Variants in RIC1 observed in about 807,000 individuals in gnomAD.
RIC1 encodes guanine nucleotide exchange factor subunit RIC1.
A neutral mutation model predicts 169.0 loss-of-function variants in RIC1; 88 were observed. The observed-to-expected ratio is 0.52, with a 90% confidence interval of 0.44 to 0.62. RIC1 has a LOEUF of 0.62. Among genes scored for constraint, RIC1 ranks in the 20% least tolerant of loss-of-function variants. RIC1 has a pLI of 0.00. For missense variants in RIC1, 1,877 were observed against 1,725.5 expected (o/e 1.09, Z -1.56); for synonymous variants, 790 against 601.5 (o/e 1.31, Z -4.59).
At position 5,667,174 on chromosome 9, in the gene RIC1, T is replaced by C. The variant is rs567764451; in HGVS notation, c.252+10484T>C. The stretch of plus-strand genomic sequence containing the variant: ...ATGCCATCGCTACAAAAAATAAACT[T>C]AGCCAGGTGAGTTGGCACATGATTG... On this transcript the variant is annotated intron_variant, in intron 2 of 25. Transcript: ENST00000414202. Among the ~76,000 whole-genome samples, 10 of 152,064 alleles carry C rather than the reference T, an allele frequency of 6.6e-5. No individual in the cohort carries two copies. In the South Asian group the frequency reaches 2.1e-3, roughly 32 times the overall value.
chr9:5,701,262 C>T (rs775329531), intron 3 of RIC1, among the ~76,000 whole-genome samples: 1 of 152,042 alleles, frequency 6.6e-6, no homozygotes, highest in African/African-American at 2.4e-5. Flanking sequence ...TTTTTATGGG[C>T]ATCTATATTG....
At chr9:5,678,917 C>T (rs1390100766) in intron 2 of RIC1, among the ~76,000 whole-genome samples, 1 of 151,928 alleles carries the variant, frequency 6.6e-6, no homozygotes, top group Non-Finnish European at 1.5e-5. Flanking sequence ...GAAGTCCTTG[C>T]CCATGCCTAT....
In RIC1 at chr9:5,642,712, G is replaced by A. The variant is rs528840067; in HGVS notation, c.144+13259G>A. 1.2e-3 allele frequency among the ~76,000 whole-genome samples: 142 copies of A among 122,434 alleles called. 10 individuals are homozygous for A. The Middle Eastern group carries it at 0.016, about 14-fold the overall frequency. 80.3% of individuals were successfully genotyped at this position (122,434 alleles called of 152,430 possible). On this transcript the variant is annotated intron_variant, in intron 1 of 25. Coordinates refer to ENST00000414202, the MANE Select transcript of RIC1 (RefSeq NM_020829.4). ...TAGTGGGTTCTGCCTGGCCACTGCC[G>A]GGCAGTCATCTTCAGGTGTTTATGA...
At chr9:5,653,311 C>G (rs958787882) in intron 1 of RIC1, among the ~76,000 whole-genome samples, 6 of 152,212 alleles carry the variant, frequency 3.9e-5, no homozygotes, top group African/African-American at 1.4e-4. Context: ...TTGTTAATAC[C>G]ACACTTTCTT....
At chr9:5,635,710 A>G (rs1444642551) in intron 1 of RIC1, among the ~76,000 whole-genome samples, 1 of 152,208 alleles carries the variant, frequency 6.6e-6, no homozygotes, top group African/African-American at 2.4e-5. Flanking sequence ...GGGTCATTAG[A>G]TCATAGCGGG....
Position 5,707,970 on chromosome 9 carries a change from T to G in RIC1, c.333-5926T>G, listed in dbSNP as rs111432945. 1.1e-3 allele frequency among the ~76,000 whole-genome samples: 164 copies of G among 152,180 alleles called. 2 individuals are homozygous for G. Among genetic ancestry groups the G allele is most frequent in the African/African-American group, 3.9e-3 (160 of 41,550 alleles). ...TCCTGGGTTCCTCCACTGCTGCCTT[T>G]TTGTTGTTGTTGTTGTTGTTTTTAT... On this transcript the variant is annotated intron_variant, in intron 3 of 25. Transcript: ENST00000414202.
chr9:5,629,942 A>T (rs1055661364), intron 1 of RIC1, among the ~76,000 whole-genome samples: 1 of 152,304 alleles, frequency 6.6e-6, no homozygotes, highest in Middle Eastern at 3.4e-3. Flanking sequence ...ATTTCTACAA[A>T]CTACAGCCTG....
intron 1 of RIC1, among the ~76,000 whole-genome samples, chr9:5,639,783 G>C (rs1333125559): frequency 6.6e-6 from 1 of 152,126 alleles, no homozygotes; most frequent in Admixed American, 6.5e-5. Context: ...ATGTACATAT[G>C]ATTGTTATAT....
rs568783959 is a variant in RIC1 at position 5,746,187 on chromosome 9, A to G, written c.1248+104A>G. On this transcript the variant is annotated intron_variant, in intron 11 of 25. Coordinates refer to ENST00000414202, the MANE Select transcript of RIC1 (RefSeq NM_020829.4). ...CGTATACTTCTAAAATTGGCATATT[A>G]TCTTCTTTTCTATGATTCTTGTGTT... The G allele has an allele frequency of 5.4e-6, 4 of 736,350 alleles. No homozygotes were observed. The African/African-American group carries it at 7.1e-5, about 13-fold the overall frequency. 45.6% of individuals were successfully genotyped at this position (736,350 alleles called of 1,614,324 possible). A position where few individuals can be genotyped will look rare whatever the true frequency, so the allele number is the denominator to read the frequency against.
chr9:5,671,336 G>A (rs1013985938), intron 2 of RIC1, among the ~76,000 whole-genome samples: 23 of 150,520 alleles, frequency 1.5e-4, no homozygotes, highest in African/African-American at 5.2e-4. Context: ...GTGGCGCAGC[G>A]CAATCTCTGC....
chr9:5,634,257 A>C (rs754103031), intron 1 of RIC1, among the ~76,000 whole-genome samples: 1 of 152,224 alleles, frequency 6.6e-6, no homozygotes, highest in African/African-American at 2.4e-5. Flanking sequence ...ACCTAGAAGT[A>C]GGATTGTTGG....
intron 6 of RIC1, among the ~76,000 whole-genome samples, chr9:5,724,183 A>G (rs1823803245): frequency 6.6e-6 from 1 of 152,158 alleles, no homozygotes; most frequent in South Asian, 2.1e-4. Flanking sequence ...GATTCTTCCT[A>G]TCCATGAGCA....
rs1393088353 is a variant in RIC1 at position 5,763,277 on chromosome 9, C to T, written c.2250C>T (p.Leu750=). 3 of 1,614,124 alleles carry T rather than the reference C, an allele frequency of 1.9e-6. No homozygotes were observed. The highest frequency in any genetic ancestry group is 1.6e-4 in the Middle Eastern group (1 of 6,062). ...GTGGTGCAGGGATGAAAGTTTGGCTCCCTCTCTTCCCTAGGGATCACCGCA... is the reference window on the plus strand; with the variant it reads ...GTGGTGCAGGGATGAAAGTTTGGCTTCCTCTCTTCCCTAGGGATCACCGCA... The part of the protein sequence containing the change: ...SCGGAGMKVW[L]PLFPRDHRKP... Residue 750 remains leucine (L), a synonymous_variant, in exon 19 of 26, where the codon CTC becomes CTT. Transcript: ENST00000414202. This position sits in a 1 kb window ranked among gnomAD's most constrained non-coding sequence, Gnocchi z 5.2.
intron 22 of RIC1, chr9:5,769,780 T>G: frequency 3.6e-6 from 1 of 279,972 alleles, no homozygotes. Flanking sequence ...AACTTTGGCA[T>G]TTGGAAACTT....
intron 2 of RIC1, among the ~76,000 whole-genome samples, chr9:5,657,213 G>A (rs370940494): frequency 4.6e-5 from 7 of 152,032 alleles, no homozygotes; most frequent in African/African-American, 1.7e-4. Flanking sequence ...TAAGCTTTAT[G>A]TGCATATGTT....
At chr9:5,641,633 G>GTAAGCAAAGTTTCCC (rs1554656256) in intron 1 of RIC1, among the ~76,000 whole-genome samples, 1 of 145,098 alleles carries the variant, frequency 6.9e-6, no homozygotes, top group African/African-American at 2.8e-5. Context: ...GGTCTCCTCT[G>GTAAGCAAAGTTTCCC]ACTATATTGT....
At chr9:5,675,952 G>C (rs980795157) in intron 2 of RIC1, among the ~76,000 whole-genome samples, 4 of 152,168 alleles carry the variant, frequency 2.6e-5, no homozygotes, top group Non-Finnish European at 5.9e-5. Flanking sequence ...GACAGTAAAA[G>C]AAATCTAATC....
At chr9:5,727,051 G>A (rs894427408) in intron 6 of RIC1, among the ~76,000 whole-genome samples, 1 of 152,150 alleles carries the variant, frequency 6.6e-6, no homozygotes, top group African/African-American at 2.4e-5. Context: ...CTCTTCTCGA[G>A]GAGTATCTTT....
chr9:5,732,082 A>G (rs1824402279), intron 6 of RIC1, among the ~76,000 whole-genome samples: 1 of 152,214 alleles, frequency 6.6e-6, no homozygotes, highest in Admixed American at 6.5e-5. Context: ...TTCTAACAAG[A>G]AAGTCATCTT....
Sources: gnomAD v4.1 joint callset for allele counts (sites outside exome capture counted in the v4.1 genomes callset) on GRCh38, gnomAD v4.1.1 for gene constraint, Gnocchi (gnomAD v3.1) non-coding constraint, MANE v1.5 for transcripts, NCBI Gene and HGNC (gene_info 2026-07-23, HGNC 2026-07-21) for gene names.